Variants in PPARGC1A observed in about 807,000 individuals in gnomAD.
PPARGC1A encodes the protein PPARG coactivator 1 alpha.
Under a neutral mutation model 88.7 loss-of-function variants are expected in PPARGC1A, and 25 were observed. The ratio of observed to expected loss-of-function variants is 0.28; its 90% CI spans 0.21 to 0.39. PPARGC1A has a LOEUF of 0.39. Among genes scored for constraint, PPARGC1A ranks in the 10% least tolerant of loss-of-function variants. PPARGC1A has a pLI of 1.00. For missense variants in PPARGC1A, 880 were observed against 968.7 expected (o/e 0.91, Z 1.22); for synonymous variants, 363 against 355.6 (o/e 1.02, Z -0.24).
At chr4:24,161,770 T>C in the PPARGC1A span, among the ~76,000 whole-genome samples, 1 of 152,126 alleles carries the variant, frequency 6.6e-6, no homozygotes, top group South Asian at 2.1e-4. Flanking sequence ...CTTCACTGAG[T>C]GCTAGCCACT....
the PPARGC1A span, among the ~76,000 whole-genome samples, chr4:24,277,514 A>C: frequency 1.8e-5 from 1 of 54,540 alleles, no homozygotes; most frequent in Non-Finnish European, 3.6e-5. Context: ...TTCCTTGACC[A>C]TTTTAGCTGC....
the PPARGC1A span, among the ~76,000 whole-genome samples, chr4:23,932,397 A>G: frequency 5.9e-5 from 9 of 152,194 alleles, no homozygotes; most frequent in East Asian, 1.7e-3. Context: ...AGACGTCTCC[A>G]GTGGCTTTTC....
the PPARGC1A span, among the ~76,000 whole-genome samples, chr4:24,051,187 CAAAAAA>C: frequency 5.1e-5 from 3 of 58,618 alleles, no homozygotes; most frequent in Admixed American, 5.4e-4. Context: ...GACTCTGTCT[CAAAAAA>C]AAAAAAAAAA....
the PPARGC1A span, among the ~76,000 whole-genome samples, chr4:23,913,921 G>A: frequency 7.9e-5 from 12 of 152,152 alleles, no homozygotes; most frequent in African/African-American, 2.9e-4. Context: ...TCAGGACGGT[G>A]AAGATGAAAA....
chr4:24,440,029 C>T, the PPARGC1A span, among the ~76,000 whole-genome samples: 1 of 152,226 alleles, frequency 6.6e-6, no homozygotes, highest in Non-Finnish European at 1.5e-5. Context: ...CTGTTCAAAT[C>T]CCTTGCCCTA....
At position 23,808,950 on chromosome 4, in the gene PPARGC1A, G is replaced by GT. The variant is rs371819112; in HGVS notation, c.2019+3796dup. 4.8e-4 allele frequency among the ~76,000 whole-genome samples: 71 copies of GT among 148,092 alleles called. No homozygotes were observed. In the South Asian group the frequency reaches 5.2e-3, roughly 11 times the overall value. The stretch of plus-strand genomic sequence containing the variant: ...AATAACAATTATTAAATTTCTGAAG[G>GT]TTTTTTTTTTCATTGCCTTTTGGAG... On this transcript the variant is annotated intron_variant, in intron 10 of 12. Transcript: ENST00000264867.
chr4:24,234,661 G>T, the PPARGC1A span, among the ~76,000 whole-genome samples: 1 of 152,138 alleles, frequency 6.6e-6, no homozygotes, highest in Non-Finnish European at 1.5e-5. Flanking sequence ...AAAGTAAGAC[G>T]CTTACACACT....
At chr4:24,460,763 T>C in the PPARGC1A span, among the ~76,000 whole-genome samples, 1 of 152,190 alleles carries the variant, frequency 6.6e-6, no homozygotes, top group Non-Finnish European at 1.5e-5. Context: ...TTCCTGGGCC[T>C]CACAGTGTGT....
chr4:23,999,591 G>T, the PPARGC1A span, among the ~76,000 whole-genome samples: 1 of 152,302 alleles, frequency 6.6e-6, no homozygotes, highest in Middle Eastern at 3.4e-3. Context: ...AAAGAAGTTG[G>T]AAAAGGGATT....
the PPARGC1A span, among the ~76,000 whole-genome samples, chr4:24,268,925 C>G: frequency 1.3e-5 from 2 of 152,108 alleles, no homozygotes; most frequent in Non-Finnish European, 2.9e-5. Flanking sequence ...TAGTGAAGAA[C>G]AGAATACACA....
the PPARGC1A span, among the ~76,000 whole-genome samples, chr4:23,917,559 G>A: frequency 6.6e-6 from 1 of 151,992 alleles, no homozygotes; most frequent in Admixed American, 6.6e-5. Context: ...TCCTGACCTC[G>A]TGATCTGCCT....
the PPARGC1A span, among the ~76,000 whole-genome samples, chr4:24,240,936 T>A: frequency 5.9e-5 from 9 of 151,850 alleles, no homozygotes; most frequent in Admixed American, 1.3e-4. Flanking sequence ...GACAGTCACA[T>A]CCCCCTCTCA....
At chr4:24,182,898 G>A in the PPARGC1A span, among the ~76,000 whole-genome samples, 235 of 152,276 alleles carry the variant, frequency 1.5e-3, no homozygotes, top group African/African-American at 5.3e-3. Flanking sequence ...AACACACCAG[G>A]CTGTCCTGCG....
chr4:24,219,653 C>A, the PPARGC1A span, among the ~76,000 whole-genome samples: 1 of 152,208 alleles, frequency 6.6e-6, no homozygotes, highest in Non-Finnish European at 1.5e-5. Context: ...GGCCCCTCCT[C>A]CCCTCCTCCA....
the PPARGC1A span, among the ~76,000 whole-genome samples, chr4:24,344,412 C>CT: frequency 0.24 from 35,615 of 149,462 alleles, 4,450 homozygotes; most frequent in South Asian, 0.31. Flanking sequence ...CCAACATCTA[C>CT]TTTTTTTTTT....
chr4:24,253,763 G>A, the PPARGC1A span, among the ~76,000 whole-genome samples: 1 of 152,150 alleles, frequency 6.6e-6, no homozygotes, highest in African/African-American at 2.4e-5. Context: ...TTCAACAAAA[G>A]CAAATTGCAT....
the PPARGC1A span, among the ~76,000 whole-genome samples, chr4:24,030,927 G>A: frequency 3.9e-5 from 6 of 152,170 alleles, no homozygotes; most frequent in Non-Finnish European, 8.8e-5. Context: ...TATTCAGGAT[G>A]CAGGAAGCAA....
At chr4:24,162,856 A>T in the PPARGC1A span, among the ~76,000 whole-genome samples, 1 of 151,842 alleles carries the variant, frequency 6.6e-6, no homozygotes, top group African/African-American at 2.4e-5. Context: ...GGCCTCCCAA[A>T]GTGCTGGGAT....
the PPARGC1A span, among the ~76,000 whole-genome samples, chr4:24,195,321 T>G: frequency 0.93 from 141,872 of 152,262 alleles, 66,191 homozygotes; most frequent in Middle Eastern, 0.98. Context: ...GCCTAGTAGG[T>G]TTGGTGGCAA....
Sources: gnomAD v4.1 joint callset for allele counts (sites outside exome capture counted in the v4.1 genomes callset) on GRCh38, gnomAD v4.1.1 for gene constraint, MANE v1.5 for transcripts, NCBI Gene and HGNC (gene_info 2026-07-23, HGNC 2026-07-21) for gene names.